The following ALB variants were observed in gnomAD, a reference collection of about 807,000 sequenced individuals.
ALB encodes albumin.
Under a neutral mutation model 74.5 loss-of-function variants are expected in ALB, and 37 were observed. That is an observed-to-expected ratio of 0.50 (90% CI 0.38 to 0.65). The LOEUF (loss-of-function observed/expected upper bound fraction) is 0.65. ALB is among the 30% of genes least tolerant of loss of function. ALB has a pLI of 0.00. For synonymous variants in ALB, 249 were observed against 251.6 expected (o/e 0.99, Z 0.10); for missense variants, 685 against 718.7 (o/e 0.95, Z 0.54).
intron 4 of ALB, 134 bp downstream of exon 4, chr4:73,408,939 AAAG>A: frequency 1.2e-6 from 1 of 835,582 alleles, no homozygotes; most frequent in Non-Finnish European, 1.8e-6. Flanking sequence ...ATGATTTTTT[AAAG>A]AAGTAGTATT....
chr4:73,405,798 C>T (rs1718709613), intron 2 of ALB, among the ~76,000 whole-genome samples: 1 of 152,006 alleles, frequency 6.6e-6, no homozygotes. Flanking sequence ...CACCGTGTGC[C>T]AGGATGGTCT....
Position 73,409,504 on chromosome 4 carries a change from T to C in ALB, c.615+17T>C, listed in dbSNP as rs1458293932. 1.2e-6 allele frequency: 2 copies of C among 1,613,182 alleles called. No individual in the cohort carries two copies. Among genetic ancestry groups the C allele is most frequent in the Non-Finnish European group, 1.7e-6 (2 of 1,179,596 alleles). ...TTGCCAAAGGTATTATGCAAAAGAA[T>C]AGAAAAAAAGAGTTCATTATCCAAC... On this transcript the variant is annotated intron_variant, in intron 5 of 14. Transcript: ENST00000295897.
chr4:73,416,381 T>TC (rs1335797264), intron 10 of ALB, 28 bp downstream of exon 10: 1 of 1,547,578 alleles, frequency 6.5e-7, no homozygotes, highest in Non-Finnish European at 8.9e-7. Flanking sequence ...ACTGATTTTT[T>TC]TTATCAATTT....
chr4:73,411,896 T>A (rs1459345274), intron 6 of ALB, 100 bp from the exon 7 acceptor site: 8 of 1,446,982 alleles, frequency 5.5e-6, no homozygotes, highest in Non-Finnish European at 7.7e-6. Context: ...TATTTCTGTA[T>A]GTCCATTTTG....
intron 2 of ALB, 84 bp from the exon 3 acceptor site, chr4:73,406,539 TATACCC>T: frequency 8.2e-7 from 1 of 1,221,418 alleles, no homozygotes; most frequent in Non-Finnish European, 1.2e-6. Flanking sequence ...AGATAGAACC[TATACCC>T]ATACATGATT....
At chr4:73,420,998 A>C in intron 14 of ALB, 94 bp from the exon 15 acceptor site, 1 of 626,730 alleles carries the variant, frequency 1.6e-6, no homozygotes, top group Admixed American at 2.7e-5. Context: ...AATTGCAGAA[A>C]GATGATCTAA....
chr4:73,406,329 G>A (rs1185267144), intron 2 of ALB, among the ~76,000 whole-genome samples: 2 of 152,158 alleles, frequency 1.3e-5, no homozygotes, highest in African/African-American at 4.8e-5. Flanking sequence ...AAAATGCCTA[G>A]TCTTGACAAT....
chr4:73,404,910 A>C, intron 1 of ALB: 1 of 588,476 alleles, frequency 1.7e-6, no homozygotes. Context: ...TTTTTAAAAT[A>C]GTATTCTTGG....
chr4:73,412,313 C>G (rs920883944), intron 7 of ALB, 188 bp downstream of exon 7: 1 of 676,252 alleles, frequency 1.5e-6, no homozygotes, highest in East Asian at 2.9e-5. Context: ...CTATAAATTA[C>G]CAGATAAACC....
Position 73,409,382 on chromosome 4 carries a change from T to A in ALB, c.510T>A (p.His170Gln). 1.2e-6 allele frequency: 2 copies of A among 1,613,924 alleles called. No homozygotes were observed. The highest frequency in any genetic ancestry group is 8.5e-7 in the Non-Finnish European group (1 of 1,179,818). Residue 170 changes from histidine to glutamine, a missense_variant, in exon 5 of 15, where the codon CAT (histidine) becomes CAA (glutamine). Coordinates refer to ENST00000295897, the MANE Select transcript of ALB (RefSeq NM_000477.7). The part of the protein sequence containing the change: ...KKYLYEIARR[H>Q]PYFYAPELLF... ...ACTTATATGAAATTGCCAGAAGACA[T>A]CCTTACTTTTATGCCCCGGAACTCC...
intron 10 of ALB, 25 bp downstream of exon 10, chr4:73,416,378 T>TC: frequency 6.4e-7 from 1 of 1,555,686 alleles, no homozygotes; most frequent in Non-Finnish European, 8.9e-7. Flanking sequence ...TTGACTGATT[T>TC]TTTTTATCAA....
chr4:73,421,248 A>T lies in ALB; in HGVS notation c.*180A>T, dbSNP rs1362068810. On this transcript the variant is annotated 3_prime_UTR_variant, in exon 15 of 15. Coordinates refer to ENST00000295897, the MANE Select transcript of ALB (RefSeq NM_000477.7). ...GTGCTTCAATTAATAAAAAATGGAA[A>T]GAATCTAATAGAGTGGTACAGCACT... 8.4e-6 allele frequency: 5 copies of T among 593,786 alleles called. No individual in the cohort carries two copies. The South Asian group carries it at 1.0e-4, about 12-fold the overall frequency. The allele number at this position is 593,786 out of a possible 1,614,324, so 36.8% of individuals were successfully genotyped here. A position where few individuals can be genotyped will look rare whatever the true frequency, so the allele number is the denominator to read the frequency against.
intron 6 of ALB, 141 bp from the exon 7 acceptor site, chr4:73,411,855 T>G: frequency 9.5e-7 from 1 of 1,051,346 alleles, no homozygotes; most frequent in Non-Finnish European, 1.4e-6. Flanking sequence ...TACCATTTGG[T>G]TCAGAACTAG....
intron 8 of ALB, among the ~76,000 whole-genome samples, chr4:73,414,197 T>C (rs985645566): frequency 6.6e-6 from 1 of 152,244 alleles, no homozygotes; most frequent in African/African-American, 2.4e-5. Context: ...ACTGCATTTT[T>C]GTTGTTGGAT....
At chr4:73,420,534 C>T (rs1719117515) in intron 14 of ALB, among the ~76,000 whole-genome samples, 1 of 152,118 alleles carries the variant, frequency 6.6e-6, no homozygotes, top group African/African-American at 2.4e-5. Context: ...TGAAGATAAA[C>T]ATCAAAGCAT....
At position 73,418,054 on chromosome 4, in the gene ALB, C is replaced by T. The variant is rs776075549; in HGVS notation, c.1429-34C>T. On this transcript the variant is annotated intron_variant, in intron 11 of 14. Transcript: ENST00000295897. Reference sequence around the variant, plus strand: ...TAGTAGAAAATTTTCAGCTTCACCTCTTTTGAATTTCTGCTCTCCTGCCTG... The same window carrying T: ...TAGTAGAAAATTTTCAGCTTCACCTTTTTTGAATTTCTGCTCTCCTGCCTG... The T allele has an allele frequency of 4.1e-5, 66 of 1,606,662 alleles. No individual in the cohort carries two copies. In the Admixed American group the frequency reaches 1.1e-3, roughly 27 times the overall value.
intron 2 of ALB, among the ~76,000 whole-genome samples, 198 bp from the exon 3 acceptor site, chr4:73,406,431 C>CA (rs1366180081): frequency 6.6e-6 from 1 of 152,138 alleles, no homozygotes; most frequent in Non-Finnish European, 1.5e-5. Context: ...AGGGAACTAC[C>CA]ATTCTCTTTG....
chr4:73,413,839 G>A (rs1322725215), intron 8 of ALB, among the ~76,000 whole-genome samples: 1 of 152,132 alleles, frequency 6.6e-6, no homozygotes, highest in East Asian at 1.9e-4. Context: ...TCATGGCAAA[G>A]CTCAACATTC....
intron 6 of ALB, 100 bp downstream of exon 6, chr4:73,410,509 A>G (rs1718845976): frequency 6.9e-6 from 6 of 875,120 alleles, no homozygotes; most frequent in Non-Finnish European, 1.2e-5. Context: ...AAGTGCTGTC[A>G]AATACATTTC....
Sources: gnomAD v4.1 joint callset for allele counts (sites outside exome capture counted in the v4.1 genomes callset) on GRCh38, gnomAD v4.1.1 for gene constraint, MANE v1.5 for transcripts, NCBI Gene and HGNC (gene_info 2026-07-23, HGNC 2026-07-21) for gene names.